Variants in CDYL2 observed in about 807,000 individuals in gnomAD.
CDYL2 encodes chromodomain Y like 2, also known as chromodomain Y-like protein 2.
In CDYL2, 23 loss-of-function variants were observed where a neutral mutation model predicts 49.4. The observed-to-expected ratio is 0.47, with a 90% CI of 0.34 to 0.66. CDYL2 has a LOEUF of 0.66. Among genes scored for constraint, CDYL2 ranks in the 30% least tolerant of loss-of-function variants. The pLI, the probability that CDYL2 is intolerant of heterozygous loss-of-function variation, is 0.01. For missense variants in CDYL2, 678 were observed against 656.4 expected, an observed-to-expected ratio of 1.03 and a Z score of -0.36; for synonymous variants, 360 against 268.8, an observed-to-expected ratio of 1.34 and a Z score of -3.32.
intron 1 of CDYL2, among the ~76,000 whole-genome samples, chr16:80,728,904 G>C (rs1253362633): frequency 6.6e-6 from 1 of 151,386 alleles, no homozygotes; most frequent in African/African-American, 2.4e-5. Context: ...CAAATGCTGA[G>C]AGATTTTGTC....
intron 4 of CDYL2, among the ~76,000 whole-genome samples, chr16:80,617,798 C>A (rs1364557698): frequency 6.6e-6 from 1 of 152,168 alleles, no homozygotes; most frequent in African/African-American, 2.4e-5. Context: ...TACTCTCTTG[C>A]ATAAAAATAA....
rs1906033459 is a variant in CDYL2 at position 80,600,443 on chromosome 16, A to G, written c.*3945T>C. ...AACTAAGCAACACTTATCTACAACAAAAATATACATGCAAGACAACCCCAA... is the reference window on the plus strand; with the variant it reads ...AACTAAGCAACACTTATCTACAACAGAAATATACATGCAAGACAACCCCAA... On this transcript the variant is annotated 3_prime_UTR_variant, in exon 7 of 7. Transcript: ENST00000570137. 1 of 152,206 alleles carries G rather than the reference A, an allele frequency of 6.6e-6. No individual in the cohort carries two copies. Among genetic ancestry groups the G allele is most frequent in the South Asian group, 2.1e-4 (1 of 4,826 alleles). 9.4% of individuals were successfully genotyped at this position (152,206 alleles called of 1,614,324 possible).
intron 1 of CDYL2, among the ~76,000 whole-genome samples, chr16:80,716,724 T>C (rs1904813489): frequency 1.3e-5 from 2 of 151,146 alleles, no homozygotes; most frequent in African/African-American, 2.4e-5. Flanking sequence ...TAGTGATGGA[T>C]GGATAATGGA....
intron 2 of CDYL2, among the ~76,000 whole-genome samples, chr16:80,659,110 T>C (rs866253020): frequency 1.4e-5 from 2 of 139,114 alleles, no homozygotes; most frequent in Non-Finnish European, 3.1e-5. Context: ...GACAGACGGA[T>C]GGATGGATGA....
intron 1 of CDYL2, among the ~76,000 whole-genome samples, chr16:80,690,137 T>A (rs1379760102): frequency 4.7e-4 from 68 of 144,406 alleles, no homozygotes; most frequent in Admixed American, 1.8e-3. Context: ...AAAAAAAAAA[T>A]AAAAAAATAA....
At chr16:80,779,623 T>C (rs1206138503) in intron 1 of CDYL2, among the ~76,000 whole-genome samples, 3 of 152,196 alleles carry the variant, frequency 2.0e-5, no homozygotes, top group East Asian at 1.9e-4. Context: ...TAAAATCTAA[T>C]ATACTAAAAC....
At chr16:80,606,634 G>T (rs1339318840) in intron 6 of CDYL2, among the ~76,000 whole-genome samples, 4 of 152,066 alleles carry the variant, frequency 2.6e-5, no homozygotes, top group Non-Finnish European at 4.4e-5. Flanking sequence ...AACCACCCCT[G>T]TTTGCCCACA....
intron 1 of CDYL2, among the ~76,000 whole-genome samples, chr16:80,754,932 T>C (rs1358430895): frequency 6.6e-6 from 1 of 152,116 alleles, no homozygotes; most frequent in Admixed American, 6.5e-5. Flanking sequence ...CCCCATGATT[T>C]ACGAGGGGAA....
intron 3 of CDYL2, among the ~76,000 whole-genome samples, chr16:80,629,379 G>T (rs1266102330): frequency 6.6e-6 from 1 of 152,178 alleles, no homozygotes; most frequent in Non-Finnish European, 1.5e-5. Flanking sequence ...AGCTATTCAA[G>T]AATAAAGGTG....
chr16:80,800,725 C>A (rs1320174468), intron 1 of CDYL2, among the ~76,000 whole-genome samples: 1 of 152,066 alleles, frequency 6.6e-6, no homozygotes, highest in African/African-American at 2.4e-5. Context: ...GAAGGTCACA[C>A]AAGGGTACTT....
intron 1 of CDYL2, among the ~76,000 whole-genome samples, chr16:80,753,210 A>T (rs1044113350): frequency 6.6e-6 from 1 of 152,146 alleles, no homozygotes; most frequent in African/African-American, 2.4e-5. Context: ...GAAAGAGGAC[A>T]ATGTAGTAAG....
At chr16:80,734,341 G>A (rs974042321) in intron 1 of CDYL2, among the ~76,000 whole-genome samples, 2 of 152,284 alleles carry the variant, frequency 1.3e-5, no homozygotes, top group African/African-American at 4.8e-5. Flanking sequence ...CTTTGTGTCT[G>A]TACCATGAAG....
chr16:80,615,350 T>C (rs1029506937), intron 4 of CDYL2, among the ~76,000 whole-genome samples: 1 of 152,168 alleles, frequency 6.6e-6, no homozygotes, highest in Non-Finnish European at 1.5e-5. Context: ...TTGGATGATT[T>C]TTGTCAAACA....
intron 1 of CDYL2, among the ~76,000 whole-genome samples, chr16:80,687,609 G>C (rs563306343): frequency 1.3e-5 from 2 of 152,264 alleles, no homozygotes; most frequent in African/African-American, 4.8e-5. Context: ...GGATGAAAAG[G>C]TGGGGACAGA....
At chr16:80,653,622 C>G (rs981996336) in intron 2 of CDYL2, among the ~76,000 whole-genome samples, 92 of 152,126 alleles carry the variant, frequency 6.0e-4, no homozygotes, top group African/African-American at 2.1e-3. Flanking sequence ...CTGATACAGG[C>G]ATGTAATGTG....
intron 2 of CDYL2, among the ~76,000 whole-genome samples, chr16:80,645,706 T>A (rs944287516): frequency 6.6e-6 from 1 of 151,954 alleles, no homozygotes; most frequent in African/African-American, 2.4e-5. Context: ...TGTGGCACCA[T>A]TCACAATAGC....
chr16:80,619,911 C>A (rs143984092), intron 4 of CDYL2, among the ~76,000 whole-genome samples: 5 of 152,178 alleles, frequency 3.3e-5, no homozygotes, highest in East Asian at 3.9e-4. Context: ...CTCTGTGTGG[C>A]CCCTCCACAG....
rs1490544416 is a variant in CDYL2 at position 80,765,714 on chromosome 16, G to C, written c.24+38436C>G. Among the ~76,000 whole-genome samples the C allele has an allele frequency of 9.5e-5, 13 of 136,710 alleles. No homozygotes were observed. In the Admixed American group the frequency reaches 9.6e-4, roughly 10 times the overall value. The allele number at this position is 136,710 out of a possible 152,430, so 89.7% of individuals were successfully genotyped here. A position where few individuals can be genotyped will look rare whatever the true frequency, so the allele number is the denominator to read the frequency against. On this transcript the variant is annotated intron_variant, in intron 1 of 6. Coordinates refer to ENST00000570137, the MANE Select transcript of CDYL2 (RefSeq NM_152342.4). ...AGCAAAATGTAATCTATCCATACAAGGGAGTATTAATCGCAAAAAAAAAAA... is the reference window on the plus strand; with the variant it reads ...AGCAAAATGTAATCTATCCATACAACGGAGTATTAATCGCAAAAAAAAAAA...
chr16:80,802,078 T>C (rs1468864627), intron 1 of CDYL2, among the ~76,000 whole-genome samples: 1 of 152,176 alleles, frequency 6.6e-6, no homozygotes. Flanking sequence ...GATACTAAGA[T>C]AGTTCCAAGG....
Sources: allele counts gnomAD v4.1 joint callset (sites outside exome capture counted in the v4.1 genomes callset), GRCh38; gene constraint gnomAD v4.1.1; transcripts MANE v1.5; gene names NCBI Gene and HGNC (gene_info 2026-07-23, HGNC 2026-07-21).